TLCD4: variants seen among roughly 807,000 people sequenced by gnomAD.
TLCD4 encodes TLC domain-containing protein 4.
TLCD4 carries 7 observed loss-of-function variants against 24.2 expected under a neutral mutation model. The observed-to-expected ratio is 0.29, with a 90% CI of 0.16 to 0.54. The LOEUF is 0.54. TLCD4 is among the 20% of genes least tolerant of loss of function. The probability of loss-of-function intolerance (pLI) is 0.95; values close to 1 mark genes in which losing one functional copy is unlikely to be tolerated. For synonymous variants in TLCD4, 103 were observed against 106.4 expected (o/e 0.97, Z 0.20); for missense variants, 259 against 313.9 (o/e 0.82, Z 1.32).
At chr1:95,134,546 T>G (rs190927414) in intron 1 of TLCD4, among the ~76,000 whole-genome samples, 1 of 152,272 alleles carries the variant, frequency 6.6e-6, no homozygotes, top group East Asian at 1.9e-4. Flanking sequence ...CACTACTTTC[T>G]GGGTGTAGAG....
At chr1:95,097,737 TTATATATGTTCCACTTAATAGAG>T in the TLCD4 span, among the ~76,000 whole-genome samples, 1 of 147,394 alleles carries the variant, frequency 6.8e-6, no homozygotes, top group Non-Finnish European at 1.5e-5. Flanking sequence ...GTCGTAACTT[TTATATATGTTCCACTTAATAGAG>T]TATTAGACAC....
the TLCD4 span, among the ~76,000 whole-genome samples, chr1:95,099,269 A>G: frequency 8.0e-6 from 1 of 124,408 alleles, no homozygotes; most frequent in South Asian, 2.7e-4. Flanking sequence ...CTCTACTCAG[A>G]AATGAATCGT....
At chr1:95,169,533 G>A (rs150507523) in intron 5 of TLCD4, among the ~76,000 whole-genome samples, 9 of 152,230 alleles carry the variant, frequency 5.9e-5, no homozygotes, top group African/African-American at 2.2e-4. Context: ...TATTAATTTG[G>A]TACTTTGGTT....
chr1:95,112,453 A>T (rs1323725990), upstream of TLCD4, among the ~76,000 whole-genome samples: 1 of 152,208 alleles, frequency 6.6e-6, no homozygotes, highest in African/African-American at 2.4e-5. Context: ...ATCCAGCACA[A>T]CCACTGAAAA....
At chr1:95,190,881 C>G (rs777212194) in intron 6 of TLCD4, among the ~76,000 whole-genome samples, 8 of 152,078 alleles carry the variant, frequency 5.3e-5, no homozygotes, top group Non-Finnish European at 1.2e-4. Flanking sequence ...TATACATGTA[C>G]TTTACCATAC....
chr1:95,120,243 A>G (rs1676534635), intron 1 of TLCD4: 1 of 152,262 alleles, frequency 6.6e-6, no homozygotes, highest in African/African-American at 2.4e-5. Context: ...CATTGGTATC[A>G]GGCGCTGGAT....
chr1:95,180,545 T>TG (rs1203601730), intron 6 of TLCD4, among the ~76,000 whole-genome samples: 1 of 152,220 alleles, frequency 6.6e-6, no homozygotes, highest in Non-Finnish European at 1.5e-5. Context: ...AGAAGGCACA[T>TG]GGCATACATG....
At chr1:95,111,568 CA>C in the TLCD4 span, among the ~76,000 whole-genome samples, 1 of 152,144 alleles carries the variant, frequency 6.6e-6, no homozygotes, top group East Asian at 1.9e-4. Flanking sequence ...AAGTCTACAA[CA>C]GATAAGAGAT....
chr1:95,167,270 T>G (rs1323799961), intron 5 of TLCD4, among the ~76,000 whole-genome samples: 1 of 152,126 alleles, frequency 6.6e-6, no homozygotes, highest in African/African-American at 2.4e-5. Context: ...GTATTGTCAT[T>G]AACTGTCTCC....
intron 1 of TLCD4, chr1:95,120,114 T>G (rs572504786): frequency 6.6e-6 from 1 of 152,238 alleles, no homozygotes; most frequent in Non-Finnish European, 1.5e-5. Flanking sequence ...GTGCTTTTTC[T>G]TCTTCCATTT....
intron 5 of TLCD4, among the ~76,000 whole-genome samples, chr1:95,159,726 C>G (rs1677730571): frequency 6.6e-6 from 1 of 152,182 alleles, no homozygotes; most frequent in South Asian, 2.1e-4. Context: ...CTACATGTGG[C>G]TAGCCAGTTT....
chr1:95,151,266 T>G, intron 4 of TLCD4, 59 bp from the exon 5 acceptor site: 1 of 1,567,004 alleles, frequency 6.4e-7, no homozygotes, highest in Non-Finnish European at 8.8e-7. Context: ...TTCAATACAT[T>G]TGAAAAACAG....
chr1:95,186,991 A>T (rs951870379), intron 6 of TLCD4, among the ~76,000 whole-genome samples: 1 of 152,250 alleles, frequency 6.6e-6, no homozygotes, highest in African/African-American at 2.4e-5. Context: ...TTGAATATTA[A>T]GATACACAGA....
chr1:95,158,872 G>A (rs1227760282), intron 5 of TLCD4, among the ~76,000 whole-genome samples: 1 of 152,170 alleles, frequency 6.6e-6, no homozygotes, highest in Non-Finnish European at 1.5e-5. Flanking sequence ...ATTCCATGGT[G>A]TATATGTGCC....
the TLCD4 span, among the ~76,000 whole-genome samples, chr1:95,108,692 T>C: frequency 6.6e-6 from 1 of 152,254 alleles, no homozygotes; most frequent in Non-Finnish European, 1.5e-5. Flanking sequence ...TTTACTAGCA[T>C]ACAGAATGAG....
At chr1:95,113,260 G>A (rs1005417966), upstream of TLCD4, among the ~76,000 whole-genome samples, 5 of 151,988 alleles carry the variant, frequency 3.3e-5, no homozygotes, top group African/African-American at 1.2e-4. Context: ...CCAGGCTGGT[G>A]GTCTCAACCT....
At chr1:95,094,545 A>G in the TLCD4 span, among the ~76,000 whole-genome samples, 3 of 152,182 alleles carry the variant, frequency 2.0e-5, no homozygotes, top group Non-Finnish European at 4.4e-5. Context: ...TTAAACGGCA[A>G]CAACAGAGTG....
chr1:95,110,393 A>G, the TLCD4 span, among the ~76,000 whole-genome samples: 6 of 152,054 alleles, frequency 3.9e-5, no homozygotes, highest in Non-Finnish European at 8.8e-5. Flanking sequence ...AGACATTACT[A>G]CTTTGCTTTA....
chr1:95,194,887 A>G lies in TLCD4; in HGVS notation c.*3019A>G, dbSNP rs1679143572. ...TGAAGTTATATATGAGTGCAAAGAA[A>G]TTGACTTCTGCTCAAATATGTGTTG... On this transcript the variant is annotated 3_prime_UTR_variant, in exon 7 of 7. Transcript: ENST00000370203. 6.6e-6 allele frequency: 1 copy of G among 152,172 alleles called. No homozygotes were observed. The highest frequency in any genetic ancestry group is 1.5e-5 in the Non-Finnish European group (1 of 68,010). 9.4% of individuals were successfully genotyped at this position (152,172 alleles called of 1,614,324 possible).
Sources: gnomAD v4.1 joint callset for allele counts (sites outside exome capture counted in the v4.1 genomes callset) on GRCh38, gnomAD v4.1.1 for gene constraint, MANE v1.5 for transcripts, NCBI Gene and HGNC (gene_info 2026-07-23, HGNC 2026-07-21) for gene names.